Variants in SHROOM4 observed in about 807,000 individuals in gnomAD.
The protein encoded by SHROOM4 is protein Shroom4.
In SHROOM4, 17 loss-of-function variants were observed where a neutral mutation model predicts 80.3. That is an observed-to-expected ratio of 0.21 (90% confidence interval 0.14 to 0.32). The LOEUF is 0.32. Among genes scored for constraint, SHROOM4 ranks in the 10% least tolerant of loss-of-function variants. SHROOM4 has a pLI of 1.00. For missense variants in SHROOM4, 993 were observed against 1,140.3 expected (o/e 0.87, Z 1.86); for synonymous variants, 400 against 437.5 (o/e 0.91, Z 1.07).
rs181185938 is a variant in SHROOM4, at chrX:50,638,917, G to T, written c.270-609C>A. On this transcript the variant is annotated intron_variant, in intron 2 of 8. Transcript: ENST00000376020. ...ACAAAGCATGGGATAGGTATTGACAGAGTGAAAGATAAGATGGGTACAGAG... is the reference window on the plus strand; with the variant it reads ...ACAAAGCATGGGATAGGTATTGACATAGTGAAAGATAAGATGGGTACAGAG... 1.3e-3 allele frequency among the ~76,000 whole-genome samples: 150 copies of T among 112,817 alleles called. 1 individual carries two copies. Among genetic ancestry groups the T allele is most frequent in the African/African-American group, 4.6e-3 (142 of 31,144 alleles).
intron 1 of SHROOM4, among the ~76,000 whole-genome samples, chrX:50,768,994 G>C (rs1292266185): frequency 8.9e-6 from 1 of 111,859 alleles, no homozygotes; most frequent in Admixed American, 9.5e-5. Context: ...AGCAGGCCAG[G>C]AGGGTGAGAC....
rs1248566849 is a variant in SHROOM4 at position 50,588,001 on chromosome X, G to C, written c.*8694C>G. On this transcript the variant is annotated 3_prime_UTR_variant, in exon 9 of 9. Coordinates refer to ENST00000376020, the MANE Select transcript of SHROOM4 (RefSeq NM_020717.5). ...AAGTTGACTTTAAGTCTAAAGATAGGTTTGAGGAGGAGTGGATGTTTTCCC... is the reference window on the plus strand; with the variant it reads ...AAGTTGACTTTAAGTCTAAAGATAGCTTTGAGGAGGAGTGGATGTTTTCCC... 8.9e-6 allele frequency among the ~76,000 whole-genome samples: 1 copy of C among 111,921 alleles called. No individual in the cohort carries two copies. The highest frequency in any genetic ancestry group is 2.8e-4 in the East Asian group (1 of 3,577).
the SHROOM4 span, among the ~76,000 whole-genome samples, chrX:50,579,174 G>A: frequency 5.8e-4 from 65 of 111,804 alleles, no homozygotes; most frequent in African/African-American, 1.9e-3. Context: ...ACTAAAATAA[G>A]AACCAAAATG....
chrX:50,793,581 G>A (rs782073078), intron 1 of SHROOM4, among the ~76,000 whole-genome samples: 19 of 103,794 alleles, frequency 1.8e-4, no homozygotes, highest in Non-Finnish European at 3.1e-4. Context: ...ATTTTATCTA[G>A]TAGGCACAAC....
intron 1 of SHROOM4, among the ~76,000 whole-genome samples, chrX:50,702,283 T>C (rs1933537486): frequency 8.9e-6 from 1 of 111,874 alleles, no homozygotes; most frequent in African/African-American, 3.2e-5. Flanking sequence ...TATAAAGCTG[T>C]ACAACCATTT....
At chrX:50,785,093 T>C (rs185206994) in intron 1 of SHROOM4, among the ~76,000 whole-genome samples, 3 of 111,862 alleles carry the variant, frequency 2.7e-5, no homozygotes, top group Admixed American at 1.9e-4. Flanking sequence ...ACTGGCTAAA[T>C]TAAAAAAATA....
chrX:50,717,240 A>G (rs1010860671), intron 1 of SHROOM4, among the ~76,000 whole-genome samples: 2 of 111,654 alleles, frequency 1.8e-5, no homozygotes, highest in African/African-American at 6.5e-5. Context: ...TTTGTTTGAG[A>G]CAGAGTCTTG....
chrX:50,775,192 A>C (rs1457696361), intron 1 of SHROOM4, among the ~76,000 whole-genome samples: 2 of 111,640 alleles, frequency 1.8e-5, no homozygotes, highest in African/African-American at 6.5e-5. Flanking sequence ...GTTTGGGCCC[A>C]GAATATTTTT....
At chrX:50,642,060 G>A (rs896794508) in intron 2 of SHROOM4, among the ~76,000 whole-genome samples, 1 of 112,305 alleles carries the variant, frequency 8.9e-6, no homozygotes, top group African/African-American at 3.2e-5. Context: ...CAGAGCTAGA[G>A]CCTTCTAACC....
intron 7 of SHROOM4, among the ~76,000 whole-genome samples, chrX:50,600,455 T>C (rs1380796373): frequency 8.9e-6 from 1 of 111,863 alleles, no homozygotes; most frequent in Non-Finnish European, 1.9e-5. Context: ...TGCACGTCAA[T>C]TTCCACATCT....
At chrX:50,642,913 C>T (rs1284418314) in intron 2 of SHROOM4, among the ~76,000 whole-genome samples, 1 of 111,953 alleles carries the variant, frequency 8.9e-6, no homozygotes, top group Admixed American at 9.5e-5. Flanking sequence ...ACGACCCCTC[C>T]TCTCCAAGGA....
chrX:50,576,787 A>G, the SHROOM4 span, among the ~76,000 whole-genome samples: 2 of 111,985 alleles, frequency 1.8e-5, no homozygotes, highest in African/African-American at 6.5e-5. Flanking sequence ...TACATTATAC[A>G]TAAATAACTT....
rs1302336027 is a variant in SHROOM4 at position 50,633,166 on chromosome X, C to A, written c.2895+12G>T. ...ATAATGAAGGTTACCCACCCAAGAA[C>A]CAAGTCCTCACCTGCACTGTCAGCT... is the stretch of plus-strand genomic sequence containing the variant. On this transcript the variant is annotated intron_variant, in intron 4 of 8. Transcript: ENST00000376020. The A allele has an allele frequency of 8.3e-7, 1 of 1,205,380 alleles. No individual in the cohort carries two copies. Among genetic ancestry groups the A allele is most frequent in the African/African-American group, 1.8e-5 (1 of 57,062 alleles).
At chrX:50,676,638 C>G (rs1183585174) in intron 2 of SHROOM4, among the ~76,000 whole-genome samples, 2 of 111,195 alleles carry the variant, frequency 1.8e-5, no homozygotes, top group African/African-American at 6.5e-5. Context: ...TCACCAAATT[C>G]TTTGTACCCA....
At chrX:50,745,145 T>C (rs1394272395) in intron 1 of SHROOM4, among the ~76,000 whole-genome samples, 3 of 111,685 alleles carry the variant, frequency 2.7e-5, no homozygotes, top group African/African-American at 9.8e-5. Context: ...ACAAATGTGA[T>C]CTTAGCAGGG....
intron 2 of SHROOM4, among the ~76,000 whole-genome samples, chrX:50,692,602 A>G (rs1933249586): frequency 9.0e-6 from 1 of 111,207 alleles, no homozygotes; most frequent in Admixed American, 9.5e-5. Context: ...CAAAACAAAA[A>G]CGCTTCCAAA....
chrX:50,590,912 T>C lies in SHROOM4; in HGVS notation c.*5783A>G, dbSNP rs1468868014. ...TTGCTTGTCTTTTCACTTTTTTATATGGTATATTTTTAGCACAAAAGTTTT... is the reference window on the plus strand; with the variant it reads ...TTGCTTGTCTTTTCACTTTTTTATACGGTATATTTTTAGCACAAAAGTTTT... On this transcript the variant is annotated 3_prime_UTR_variant, in exon 9 of 9. Transcript: ENST00000376020. Among the ~76,000 whole-genome samples, 3 of 112,285 alleles carry C rather than the reference T, an allele frequency of 2.7e-5. No homozygotes were observed. Among genetic ancestry groups the C allele is most frequent in the African/African-American group, 9.7e-5 (3 of 30,900 alleles).
At chrX:50,794,076 A>G (rs972129310) in intron 1 of SHROOM4, among the ~76,000 whole-genome samples, 3 of 110,969 alleles carry the variant, frequency 2.7e-5, no homozygotes, top group African/African-American at 9.8e-5. Flanking sequence ...AGAGAAATCA[A>G]GAGCACATTT....
intron 2 of SHROOM4, among the ~76,000 whole-genome samples, chrX:50,675,267 C>T: frequency 9.0e-6 from 1 of 111,092 alleles, no homozygotes; most frequent in Admixed American, 9.6e-5. Context: ...ATAACAAACC[C>T]CCATGACACA....
Sources: allele counts gnomAD v4.1 joint callset (sites outside exome capture counted in the v4.1 genomes callset), GRCh38; gene constraint gnomAD v4.1.1; transcripts MANE v1.5; gene names NCBI Gene and HGNC (gene_info 2026-07-23, HGNC 2026-07-21).